The following SAMTOR variants were observed in gnomAD, a reference collection of about 807,000 sequenced individuals.
The protein encoded by SAMTOR is UPF0532 protein C7orf60.
chr7:112,854,045 G>A, the SAMTOR span, among the ~76,000 whole-genome samples: 3 of 152,024 alleles, frequency 2.0e-5, no homozygotes, highest in Non-Finnish European at 4.4e-5. Flanking sequence ...CACTTTTGGG[G>A]CTGTTAGATG....
At chr7:112,914,033 G>T in the SAMTOR span, among the ~76,000 whole-genome samples, 1 of 151,898 alleles carries the variant, frequency 6.6e-6, no homozygotes, top group African/African-American at 2.4e-5. Flanking sequence ...AATATGACTG[G>T]TACAAAGTAG....
chr7:112,829,235 T>A, the SAMTOR span, among the ~76,000 whole-genome samples: 7 of 152,198 alleles, frequency 4.6e-5, no homozygotes, highest in Non-Finnish European at 1.0e-4. Context: ...CTGCAACATC[T>A]AATATGCATT....
At chr7:112,902,423 A>AAC in the SAMTOR span, among the ~76,000 whole-genome samples, 1 of 104,592 alleles carries the variant, frequency 9.6e-6, no homozygotes, top group Admixed American at 9.9e-5. Context: ...TCTCAAAAAA[A>AAC]AAAAACAAAA....
chr7:112,880,045 T>C, the SAMTOR span, among the ~76,000 whole-genome samples: 1 of 152,174 alleles, frequency 6.6e-6, no homozygotes, highest in Non-Finnish European at 1.5e-5. Context: ...AATAAATTTT[T>C]TGAATGCTGT....
chr7:112,848,728 C>A, the SAMTOR span, among the ~76,000 whole-genome samples: 94 of 152,366 alleles, frequency 6.2e-4, no homozygotes, highest in African/African-American at 2.1e-3. Context: ...CACAGACTCT[C>A]TGAATCTCAT....
At chr7:112,827,205 G>T in the SAMTOR span, among the ~76,000 whole-genome samples, 1 of 152,052 alleles carries the variant, frequency 6.6e-6, no homozygotes, top group African/African-American at 2.4e-5. Context: ...CATATATTTG[G>T]GTCTTGGCTT....
At chr7:112,906,632 G>A in the SAMTOR span, among the ~76,000 whole-genome samples, 1 of 150,366 alleles carries the variant, frequency 6.7e-6, no homozygotes, top group African/African-American at 2.5e-5. Flanking sequence ...GCAGTGGTGC[G>A]ATCTTGGCTC....
chr7:112,922,607 C>T, the SAMTOR span, among the ~76,000 whole-genome samples: 93 of 151,898 alleles, frequency 6.1e-4, no homozygotes, highest in African/African-American at 2.1e-3. Context: ...TCTGCCCCGC[C>T]GCCCCGTCTG....
At chr7:112,902,439 C>CAAA in the SAMTOR span, among the ~76,000 whole-genome samples, 41 of 81,494 alleles carry the variant, frequency 5.0e-4, 3 homozygotes, top group African/African-American at 1.1e-3. Flanking sequence ...CAAAAAAAAA[C>CAAA]AAAAAAAAAC....
the SAMTOR span, among the ~76,000 whole-genome samples, chr7:112,896,969 G>A: frequency 6.6e-6 from 1 of 152,170 alleles, no homozygotes; most frequent in Non-Finnish European, 1.5e-5. Context: ...GATACATGAA[G>A]TTTAAAGTAC....
the SAMTOR span, among the ~76,000 whole-genome samples, chr7:112,933,592 G>A: frequency 6.6e-6 from 1 of 152,192 alleles, no homozygotes; most frequent in Admixed American, 6.5e-5. Flanking sequence ...CACATATGAG[G>A]AAGGAATGAA....
the SAMTOR span, among the ~76,000 whole-genome samples, chr7:112,911,512 C>T: frequency 6.6e-6 from 1 of 151,838 alleles, no homozygotes; most frequent in African/African-American, 2.4e-5. Flanking sequence ...AAACACAATG[C>T]CAGTATAAAA....
the SAMTOR span, among the ~76,000 whole-genome samples, chr7:112,837,042 AT>A: frequency 6.6e-6 from 1 of 152,142 alleles, no homozygotes; most frequent in Non-Finnish European, 1.5e-5. Context: ...CAGTATGGCC[AT>A]TTCAACAATA....
the SAMTOR span, among the ~76,000 whole-genome samples, chr7:112,924,896 G>A: frequency 6.6e-6 from 1 of 151,448 alleles, no homozygotes; most frequent in Non-Finnish European, 1.5e-5. Context: ...GACCTTCTGT[G>A]ATAAAATAAC....
At chr7:112,833,512 CCAT>C in the SAMTOR span, among the ~76,000 whole-genome samples, 8 of 152,100 alleles carry the variant, frequency 5.3e-5, no homozygotes, top group Admixed American at 4.6e-4. Flanking sequence ...CTCACTATTA[CCAT>C]GTTTTATAAA....
the SAMTOR span, among the ~76,000 whole-genome samples, chr7:112,859,678 T>A: frequency 6.6e-6 from 1 of 151,492 alleles, no homozygotes; most frequent in South Asian, 2.1e-4. Flanking sequence ...TGTGTTTGTG[T>A]CTTAGCTTTT....
At chr7:112,828,002 C>T in the SAMTOR span, among the ~76,000 whole-genome samples, 1 of 152,102 alleles carries the variant, frequency 6.6e-6, no homozygotes, top group African/African-American at 2.4e-5. Flanking sequence ...CAGGTGTAAG[C>T]CACCATGCCC....
At chr7:112,882,663 T>C in the SAMTOR span, among the ~76,000 whole-genome samples, 1 of 151,016 alleles carries the variant, frequency 6.6e-6, no homozygotes, top group East Asian at 2.0e-4. Context: ...CACTCCAGCC[T>C]GCCAACAGAG....
the SAMTOR span, among the ~76,000 whole-genome samples, chr7:112,837,429 T>C: frequency 6.6e-6 from 1 of 152,160 alleles, no homozygotes; most frequent in African/African-American, 2.4e-5. Flanking sequence ...TTTATTTCTC[T>C]TGCCTGGTTG....
Sources: gnomAD v4.1 joint callset for allele counts (sites outside exome capture counted in the v4.1 genomes callset) on GRCh38, gnomAD v4.1.1 for gene constraint, MANE v1.5 for transcripts, NCBI Gene and HGNC (gene_info 2026-07-23, HGNC 2026-07-21) for gene names.